Variants in PAPOLA observed in about 807,000 individuals in gnomAD.
The protein encoded by PAPOLA is polynucleotide adenylyltransferase alpha.
In PAPOLA, 15 loss-of-function variants were observed where a neutral mutation model predicts 100.6. That is an observed-to-expected ratio of 0.15 (90% CI 0.10 to 0.23). The LOEUF (loss-of-function observed/expected upper bound fraction) is 0.23. Ranked by LOEUF, PAPOLA falls within the 10% of genes least tolerant of loss-of-function variation. The pLI, the probability that PAPOLA is intolerant of heterozygous loss-of-function variation, is 1.00. For synonymous variants in PAPOLA, 293 were observed against 300.0 expected, an observed-to-expected ratio of 0.98 and a Z score of 0.24; for missense variants, 533 against 884.2, an observed-to-expected ratio of 0.60 and a Z score of 5.04.
chr14:96,559,525 A>G (rs937074707), intron 19 of PAPOLA, among the ~76,000 whole-genome samples: 1 of 138,018 alleles, frequency 7.2e-6, no homozygotes, highest in Non-Finnish European at 1.5e-5. Context: ...TGTTTGCTCT[A>G]TTTCCTGGAT....
chr14:96,566,227 T>C lies in PAPOLA; in HGVS notation c.*1177T>C, dbSNP rs1279363876. Reference sequence around the variant, plus strand: ...TGGTTTACCAAAATTTGTCAGTACATTTTACGTGTAGAAGCATTTTAAAAA... The same window carrying C: ...TGGTTTACCAAAATTTGTCAGTACACTTTACGTGTAGAAGCATTTTAAAAA... On this transcript the variant is annotated 3_prime_UTR_variant, in exon 22 of 22. Coordinates refer to ENST00000216277, the MANE Select transcript of PAPOLA (RefSeq NM_032632.5). 2.2e-5 allele frequency: 6 copies of C among 275,160 alleles called. No individual in the cohort carries two copies. The highest frequency in any genetic ancestry group is 4.0e-5 in the Non-Finnish European group (6 of 148,274). 17.0% of individuals were successfully genotyped at this position (275,160 alleles called of 1,614,324 possible).
chr14:96,502,879 CG>C (rs1896404207), intron 1 of PAPOLA: 2 of 406,758 alleles, frequency 4.9e-6, no homozygotes, highest in African/African-American at 4.1e-5. Flanking sequence ...ACCTCTAACT[CG>C]CCCGGCCACT....
chr14:96,521,285 A>G (rs946147678), intron 3 of PAPOLA, among the ~76,000 whole-genome samples: 41 of 152,280 alleles, frequency 2.7e-4, no homozygotes, highest in African/African-American at 8.9e-4. Context: ...AAATAAGTAT[A>G]GTACTCTTTG....
At chr14:96,540,770 C>CA (rs1231329791) in intron 12 of PAPOLA, among the ~76,000 whole-genome samples, 1 of 152,130 alleles carries the variant, frequency 6.6e-6, no homozygotes. Flanking sequence ...AAGTTAACTC[C>CA]ATTGAACTTT....
intron 15 of PAPOLA, among the ~76,000 whole-genome samples, chr14:96,547,181 G>C (rs1015120605): frequency 6.6e-6 from 1 of 152,106 alleles, no homozygotes; most frequent in Admixed American, 6.5e-5. Context: ...AGGACAATAT[G>C]AATCAAGTAT....
intron 1 of PAPOLA, among the ~76,000 whole-genome samples, chr14:96,515,608 G>A (rs1309537966): frequency 6.6e-6 from 1 of 152,152 alleles, no homozygotes; most frequent in East Asian, 1.9e-4. Context: ...CTAGATGGCT[G>A]CCAGTTGCAC....
intron 4 of PAPOLA, chr14:96,526,081 A>G (rs554505140): frequency 2.6e-5 from 4 of 152,354 alleles, no homozygotes; most frequent in African/African-American, 4.8e-5. Flanking sequence ...TTCATAGCCA[A>G]TGATAATCAG....
At chr14:96,554,567 C>T (rs181594471) in intron 17 of PAPOLA, among the ~76,000 whole-genome samples, 20 of 152,184 alleles carry the variant, frequency 1.3e-4, no homozygotes, top group Non-Finnish European at 2.1e-4. Flanking sequence ...CATCATTCAC[C>T]AGTTTCAGAG....
chr14:96,503,670 A>G (rs1354597776), intron 1 of PAPOLA, among the ~76,000 whole-genome samples: 1 of 152,050 alleles, frequency 6.6e-6, no homozygotes, highest in East Asian at 1.9e-4. Context: ...CATGTAATTG[A>G]CACTCAAAGT....
chr14:96,524,101 C>CT (rs1055213754), intron 3 of PAPOLA, among the ~76,000 whole-genome samples: 9 of 151,348 alleles, frequency 5.9e-5, no homozygotes, highest in East Asian at 1.9e-4. Context: ...TGTCCTTTTT[C>CT]TTTTTTTTGA....
At position 96,531,684 on chromosome 14, in the gene PAPOLA, G is replaced by A. The variant is rs1899031013; in HGVS notation, c.607+98G>A. Reference sequence around the variant, plus strand: ...TATTGAAGCTTTTTATAGCTATATTGTTAACACAGTAGTGAGTTAAATAAA... The same window carrying A: ...TATTGAAGCTTTTTATAGCTATATTATTAACACAGTAGTGAGTTAAATAAA... On this transcript the variant is annotated intron_variant, in intron 7 of 21. Coordinates refer to ENST00000216277, the MANE Select transcript of PAPOLA (RefSeq NM_032632.5). 5 of 1,532,158 alleles carry A rather than the reference G, an allele frequency of 3.3e-6. No individual in the cohort carries two copies. The East Asian group carries it at 1.2e-4, about 38-fold the overall frequency. 94.9% of individuals were successfully genotyped at this position (1,532,158 alleles called of 1,614,324 possible).
At chr14:96,542,927 A>G (rs780457095) in intron 14 of PAPOLA, 34 bp downstream of exon 14, 9 of 1,603,350 alleles carry the variant, frequency 5.6e-6, no homozygotes, top group Non-Finnish European at 7.6e-6. Context: ...TCTTCTTCCC[A>G]TTTCCAATTT....
chr14:96,561,150 A>G lies in PAPOLA; in HGVS notation c.2067+439A>G, dbSNP rs982499524. On this transcript the variant is annotated intron_variant, in intron 20 of 21. Coordinates refer to ENST00000216277, the MANE Select transcript of PAPOLA (RefSeq NM_032632.5). ...TGTCTCTTTGGGTTGAGAATTTGTTATGATTATAGAAGCAGTTTTTGGCGT... is the reference window on the plus strand; with the variant it reads ...TGTCTCTTTGGGTTGAGAATTTGTTGTGATTATAGAAGCAGTTTTTGGCGT... 3.9e-5 allele frequency among the ~76,000 whole-genome samples: 6 copies of G among 152,268 alleles called. 1 individual carries two copies. The South Asian group carries it at 1.2e-3, about 32-fold the overall frequency.
rs1395026653 is a variant in PAPOLA at position 96,566,262 on chromosome 14, G to A, written c.*1212G>A. The A allele has an allele frequency of 4.8e-6, 1 of 208,408 alleles. No homozygotes were observed. The highest frequency in any genetic ancestry group is 9.5e-6 in the Non-Finnish European group (1 of 105,118). The allele number at this position is 208,408 out of a possible 1,614,324, so 12.9% of individuals were successfully genotyped here. On this transcript the variant is annotated 3_prime_UTR_variant, in exon 22 of 22. Transcript: ENST00000216277. The stretch of plus-strand genomic sequence containing the variant: ...AGAAGCATTTTAAAAATCATTTCTA[G>A]CAAGCACTTGACATCTAGTCAGCTC...
chr14:96,506,611 C>T (rs1896731862), intron 1 of PAPOLA, among the ~76,000 whole-genome samples: 1 of 152,130 alleles, frequency 6.6e-6, no homozygotes, highest in African/African-American at 2.4e-5. Flanking sequence ...ATGAGCTTGA[C>T]GGTTTTTCCC....
intron 1 of PAPOLA, among the ~76,000 whole-genome samples, chr14:96,519,063 TAAG>T (rs1269065322): frequency 6.6e-6 from 1 of 151,328 alleles, no homozygotes; most frequent in Non-Finnish European, 1.5e-5. Flanking sequence ...TCTCAAAAAA[TAAG>T]AGGTAGCTGT....
intron 1 of PAPOLA, 97 bp downstream of exon 1, chr14:96,502,697 C>T: frequency 7.6e-7 from 1 of 1,323,224 alleles, no homozygotes; most frequent in Non-Finnish European, 1.0e-6. Flanking sequence ...GGCACGCGAG[C>T]CCGACCCTCC....
intron 8 of PAPOLA, 32 bp downstream of exon 8, chr14:96,532,452 A>G (rs765947658): frequency 1.2e-6 from 2 of 1,606,058 alleles, no homozygotes; most frequent in African/African-American, 2.7e-5. Context: ...TAGCTTATTA[A>G]AAATGTTCAA....
Position 96,506,743 on chromosome 14 carries a change from G to T in PAPOLA, c.8+4143G>T, listed in dbSNP as rs116807020. 3.8e-3 allele frequency among the ~76,000 whole-genome samples: 577 copies of T among 152,296 alleles called. 4 individuals are homozygous for T. The highest frequency in any genetic ancestry group is 0.013 in the African/African-American group (521 of 41,546). On this transcript the variant is annotated intron_variant, in intron 1 of 21. Coordinates refer to ENST00000216277, the MANE Select transcript of PAPOLA (RefSeq NM_032632.5). ...ATATTTGGTAGACCTGTATAATTCA[G>T]TGAACCCATATTTTCCAAATGACCA...
Sources: gnomAD v4.1 joint callset for allele counts (sites outside exome capture counted in the v4.1 genomes callset) on GRCh38, gnomAD v4.1.1 for gene constraint, MANE v1.5 for transcripts, NCBI Gene and HGNC (gene_info 2026-07-23, HGNC 2026-07-21) for gene names.